SLC44A5: variants seen among roughly 807,000 people sequenced by gnomAD.
SLC44A5 encodes choline transporter-like protein 5.
A neutral mutation model predicts 101.8 loss-of-function variants in SLC44A5; 57 were observed. The ratio of observed to expected loss-of-function variants is 0.56; its 90% CI spans 0.45 to 0.70. The LOEUF (loss-of-function observed/expected upper bound fraction) is 0.70. SLC44A5 is among the 30% of genes least tolerant of loss of function. The pLI is 0.00. For synonymous variants in SLC44A5, 281 were observed against 290.9 expected (o/e 0.97, Z 0.35); for missense variants, 737 against 853.1 (o/e 0.86, Z 1.70).
chr1:75,223,755 G>A (rs1393918293), intron 13 of SLC44A5, among the ~76,000 whole-genome samples: 2 of 151,992 alleles, frequency 1.3e-5, no homozygotes, highest in Non-Finnish European at 2.9e-5. Context: ...TTCACCCAGA[G>A]GTATACGAAG....
intron 21 of SLC44A5, 35 bp downstream of exon 21, chr1:75,213,884 C>CTTTTTT: frequency 1.4e-6 from 2 of 1,427,048 alleles, no homozygotes. Flanking sequence ...ATCTTTTAAA[C>CTTTTTT]TTTTTTTTTT....
chr1:75,650,870 G>A, the SLC44A5 span, among the ~76,000 whole-genome samples: 1 of 152,156 alleles, frequency 6.6e-6, no homozygotes, highest in Admixed American at 6.5e-5. Context: ...TTGAGATTAT[G>A]GGTGTGAGGC....
At chr1:75,415,448 A>C (rs548366392) in intron 2 of SLC44A5, among the ~76,000 whole-genome samples, 3 of 152,368 alleles carry the variant, frequency 2.0e-5, no homozygotes, top group African/African-American at 7.2e-5. Flanking sequence ...AGTCTAATCA[A>C]ACCTCCATGT....
rs1022515272 is a variant in SLC44A5, at chr1:75,203,353, CT to C, written c.*373del. ...GACCAATTTTCCCTGCAGAAGAAGT[CT>C]TCTTTTAGTTGTAATTTTAAAAATA... On this transcript the variant is annotated 3_prime_UTR_variant, in exon 24 of 24. Coordinates refer to ENST00000370859, the MANE Select transcript of SLC44A5 (RefSeq NM_001130058.2). 7 of 154,950 alleles carry C rather than the reference CT, an allele frequency of 4.5e-5. No individual in the cohort carries two copies. Among genetic ancestry groups the C allele is most frequent in the African/African-American group, 1.7e-4 (7 of 41,580 alleles). The allele number at this position is 154,950 out of a possible 1,614,324, so 9.6% of individuals were successfully genotyped here. A position where few individuals can be genotyped will look rare whatever the true frequency, so the allele number is the denominator to read the frequency against.
At chr1:75,705,570 T>C in the SLC44A5 span, among the ~76,000 whole-genome samples, 1 of 152,248 alleles carries the variant, frequency 6.6e-6, no homozygotes, top group East Asian at 1.9e-4. Flanking sequence ...AAATATTCAC[T>C]AAATCTATAG....
chr1:75,259,231 T>A (rs1312374155), intron 6 of SLC44A5, among the ~76,000 whole-genome samples: 2 of 152,186 alleles, frequency 1.3e-5, no homozygotes, highest in African/African-American at 4.8e-5. Context: ...CAAACTCCTC[T>A]GAGCTAAAGG....
intron 3 of SLC44A5, among the ~76,000 whole-genome samples, chr1:75,366,345 C>T (rs1246323022): frequency 6.6e-6 from 1 of 151,920 alleles, no homozygotes; most frequent in Non-Finnish European, 1.5e-5. Flanking sequence ...ATATATAATC[C>T]CATACTCTCC....
At chr1:75,283,585 G>A (rs1652796731) in intron 5 of SLC44A5, among the ~76,000 whole-genome samples, 1 of 152,132 alleles carries the variant, frequency 6.6e-6, no homozygotes, top group African/African-American at 2.4e-5. Context: ...CCAATGTCCA[G>A]AAGAGTTTTT....
chr1:75,243,430 C>A (rs1371462059), intron 7 of SLC44A5, among the ~76,000 whole-genome samples: 2 of 151,990 alleles, frequency 1.3e-5, no homozygotes, highest in East Asian at 1.9e-4. Flanking sequence ...AGCCACTGAA[C>A]CTGGTCTAAA....
intron 2 of SLC44A5, among the ~76,000 whole-genome samples, chr1:75,504,025 T>G (rs1669112367): frequency 6.6e-6 from 1 of 152,202 alleles, no homozygotes; most frequent in African/African-American, 2.4e-5. Flanking sequence ...TTACTAATCT[T>G]TATCATTTTT....
intron 1 of SLC44A5, among the ~76,000 whole-genome samples, chr1:75,595,063 C>G (rs1482738076): frequency 1.3e-5 from 2 of 151,436 alleles, no homozygotes; most frequent in Non-Finnish European, 3.0e-5. Flanking sequence ...CAAGACTAAC[C>G]CAAAATAAGA....
intron 23 of SLC44A5, among the ~76,000 whole-genome samples, chr1:75,208,578 A>T (rs949259519): frequency 1.3e-5 from 2 of 152,200 alleles, no homozygotes; most frequent in Admixed American, 6.5e-5. Flanking sequence ...GTTAGGATGG[A>T]AAAGGCATTA....
chr1:75,500,420 A>G (rs1668896030), intron 2 of SLC44A5, among the ~76,000 whole-genome samples: 1 of 152,164 alleles, frequency 6.6e-6, no homozygotes, highest in African/African-American at 2.4e-5. Flanking sequence ...GATAAACAAA[A>G]GTAATATTTA....
chr1:75,600,208 G>A (rs138523635), intron 1 of SLC44A5, among the ~76,000 whole-genome samples: 148 of 152,204 alleles, frequency 9.7e-4, no homozygotes, highest in African/African-American at 3.5e-3. Context: ...GGATGTGAGA[G>A]GGAATATGGA....
At chr1:75,357,411 G>A (rs1476126635) in intron 3 of SLC44A5, among the ~76,000 whole-genome samples, 1 of 152,134 alleles carries the variant, frequency 6.6e-6, no homozygotes, top group Non-Finnish European at 1.5e-5. Context: ...GAGTAGAATT[G>A]AAATTTCACT....
Position 75,234,032 on chromosome 1 carries a change from G to GTT in SLC44A5, c.806_807insAA (p.Cys269Ter), listed in dbSNP as rs1412655802. The GTT allele has an allele frequency of 3.7e-6, 6 of 1,613,244 alleles. No individual in the cohort carries two copies. The highest frequency in any genetic ancestry group is 5.1e-6 in the Non-Finnish European group (6 of 1,179,596). Residue 269 changes from cysteine (C) to a stop codon, truncating the protein, a stop_gained and frameshift_variant, in exon 12 of 24, where the codon TGC becomes TGAAC. Transcript: ENST00000370859. LOFTEE classifies it high-confidence loss of function. ...CACCAATCATGAAGACCCAGAAGAG[G>GTT]CATCCAGCTATGAACCTCAGAAGTA... The part of the protein sequence containing the change: ...FLILLRFIAG[C>*]LFWVFMIGVI...
chr1:75,619,481 A>C, the SLC44A5 span, among the ~76,000 whole-genome samples: 1 of 152,050 alleles, frequency 6.6e-6, no homozygotes, highest in African/African-American at 2.4e-5. Context: ...GGGCTGTAAG[A>C]ATTCTGATTT....
At chr1:75,537,033 AAT>A (rs61399659) in intron 2 of SLC44A5, among the ~76,000 whole-genome samples, 1 of 43,020 alleles carries the variant, frequency 2.3e-5, no homozygotes, top group African/African-American at 5.4e-5. Context: ...AAAAAAAAAA[AAT>A]ATATATCTAT....
chr1:75,233,161 T>C (rs1271844349), intron 12 of SLC44A5, among the ~76,000 whole-genome samples: 3 of 152,122 alleles, frequency 2.0e-5, no homozygotes, highest in African/African-American at 7.2e-5. Flanking sequence ...TGATATGTAT[T>C]GTTTTGGGGG....
Sources: allele counts gnomAD v4.1 joint callset (sites outside exome capture counted in the v4.1 genomes callset), GRCh38; gene constraint gnomAD v4.1.1; transcripts MANE v1.5; gene names NCBI Gene and HGNC (gene_info 2026-07-23, HGNC 2026-07-21).